TBC1D5: variants seen among roughly 807,000 people sequenced by gnomAD.
TBC1D5 encodes the protein TBC1 domain family member 5.
A neutral mutation model predicts 100.3 loss-of-function variants in TBC1D5; 75 were observed. That is an observed-to-expected ratio of 0.75 (90% CI 0.62 to 0.91). The LOEUF is 0.91. Among genes scored for constraint, TBC1D5 ranks in the 40% least tolerant of loss-of-function variants. TBC1D5 has a pLI of 0.00. For missense variants in TBC1D5, 910 were observed against 942.4 expected, an observed-to-expected ratio of 0.97 and a Z score of 0.45; for synonymous variants, 323 against 325.6, an observed-to-expected ratio of 0.99 and a Z score of 0.09.
At chr3:17,486,263 G>A (rs369164785) in intron 3 of TBC1D5, among the ~76,000 whole-genome samples, 16 of 152,098 alleles carry the variant, frequency 1.1e-4, no homozygotes, top group East Asian at 3.9e-4. Context: ...AGTAGGTTGC[G>A]AAAATTTTCT....
At chr3:17,619,862 G>A (rs1254802239) in intron 2 of TBC1D5, among the ~76,000 whole-genome samples, 1 of 152,132 alleles carries the variant, frequency 6.6e-6, no homozygotes, top group Non-Finnish European at 1.5e-5. Flanking sequence ...AAAACTGGGG[G>A]GAAAGCCCAA....
At chr3:17,267,395 G>A (rs1025679156) in intron 15 of TBC1D5, among the ~76,000 whole-genome samples, 3 of 151,848 alleles carry the variant, frequency 2.0e-5, no homozygotes, top group African/African-American at 7.3e-5. Flanking sequence ...TAATGGTGGG[G>A]GTGGGAGAGA....
At chr3:17,574,130 A>G (rs1186188800) in intron 2 of TBC1D5, among the ~76,000 whole-genome samples, 1 of 152,016 alleles carries the variant, frequency 6.6e-6, no homozygotes, top group Non-Finnish European at 1.5e-5. Context: ...CTGTACTCCC[A>G]GAACTTTGCT....
chr3:17,699,783 T>C (rs2072854485), intron 1 of TBC1D5, among the ~76,000 whole-genome samples: 1 of 151,066 alleles, frequency 6.6e-6, no homozygotes, highest in African/African-American at 2.4e-5. Context: ...CCACAGAGTA[T>C]TGTGGGATTA....
intron 19 of TBC1D5, among the ~76,000 whole-genome samples, chr3:17,174,572 T>G (rs1490106242): frequency 1.3e-5 from 2 of 149,302 alleles, no homozygotes; most frequent in East Asian, 4.3e-4. Context: ...ACCATTCCCC[T>G]AGAACCTGTT....
At chr3:17,603,329 G>A (rs1304877840) in intron 2 of TBC1D5, among the ~76,000 whole-genome samples, 2 of 151,832 alleles carry the variant, frequency 1.3e-5, no homozygotes, top group Non-Finnish European at 1.5e-5. Context: ...AGACCCCACT[G>A]GTAAAATGAG....
intron 3 of TBC1D5, among the ~76,000 whole-genome samples, chr3:17,497,133 CA>C (rs1560023107): frequency 0.016 from 2,195 of 133,730 alleles, 56 homozygotes; most frequent in African/African-American, 0.063. Context: ...CACACACACA[CA>C]CACCATCCTT....
chr3:17,646,616 C>T (rs1348386090), intron 1 of TBC1D5, among the ~76,000 whole-genome samples: 1 of 152,114 alleles, frequency 6.6e-6, no homozygotes, highest in Non-Finnish European at 1.5e-5. Flanking sequence ...CAGGCAATCA[C>T]CATCATGCCC....
intron 13 of TBC1D5, among the ~76,000 whole-genome samples, chr3:17,311,072 C>T (rs1015290756): frequency 4.0e-5 from 6 of 151,876 alleles, no homozygotes; most frequent in Non-Finnish European, 5.9e-5. Context: ...TTTCAGTAAG[C>T]TTTTATATTC....
intron 2 of TBC1D5, among the ~76,000 whole-genome samples, chr3:17,582,735 A>G (rs1272958495): frequency 6.6e-6 from 1 of 151,922 alleles, no homozygotes; most frequent in Non-Finnish European, 1.5e-5. Context: ...TTAAACAAAA[A>G]GAATGGCAAT....
At chr3:17,262,478 G>GTTT (rs746293280) in intron 15 of TBC1D5, among the ~76,000 whole-genome samples, 18 of 114,958 alleles carry the variant, frequency 1.6e-4, no homozygotes, top group South Asian at 2.9e-4. Flanking sequence ...CCAAAACAAT[G>GTTT]TTTTTTTTTT....
intron 1 of TBC1D5, among the ~76,000 whole-genome samples, chr3:17,668,620 A>G (rs958934388): frequency 6.6e-6 from 1 of 152,208 alleles, no homozygotes; most frequent in Non-Finnish European, 1.5e-5. Flanking sequence ...GGCAATATGC[A>G]GGGGTTTCAA....
chr3:17,187,817 C>T (rs972472028), intron 18 of TBC1D5, among the ~76,000 whole-genome samples: 3 of 152,210 alleles, frequency 2.0e-5, no homozygotes, highest in Non-Finnish European at 4.4e-5. Context: ...AACTGGGGTG[C>T]TGACAGCCCA....
chr3:17,505,090 T>C (rs1052474718), intron 3 of TBC1D5, among the ~76,000 whole-genome samples: 10 of 152,104 alleles, frequency 6.6e-5, no homozygotes, highest in Admixed American at 3.3e-4. Flanking sequence ...TGAATGACAA[T>C]AGAAAGCAAG....
rs73153022 is a variant in TBC1D5 at position 17,468,515 on chromosome 3, A to T, written c.97+39959T>A. On this transcript the variant is annotated intron_variant, in intron 3 of 21. Transcript: ENST00000253692. ...TTTTTCCAAAGAAATTACTGCTTTC[A>T]AAGACTCTGTTTATTTTTGTTATTT... Among the ~76,000 whole-genome samples the T allele has an allele frequency of 5.3e-3, 807 of 152,242 alleles. 12 individuals are homozygous for T. Among genetic ancestry groups the T allele is most frequent in the African/African-American group, 0.019 (775 of 41,548 alleles).
At chr3:17,462,150 GT>G (rs2149947613) in intron 3 of TBC1D5, among the ~76,000 whole-genome samples, 1 of 151,800 alleles carries the variant, frequency 6.6e-6, no homozygotes, top group East Asian at 1.9e-4. Flanking sequence ...TCAGAAAAAT[GT>G]TACACTTATT....
chr3:17,172,224 T>G (rs993699325), intron 19 of TBC1D5, among the ~76,000 whole-genome samples: 1 of 152,226 alleles, frequency 6.6e-6, no homozygotes, highest in African/African-American at 2.4e-5. Flanking sequence ...CAGAGGCTGT[T>G]AGATGTTTTG....
intron 3 of TBC1D5, among the ~76,000 whole-genome samples, chr3:17,479,701 G>C (rs1225353475): frequency 6.6e-6 from 1 of 152,166 alleles, no homozygotes; most frequent in Non-Finnish European, 1.5e-5. Flanking sequence ...AGCCAGGTAT[G>C]CTGTTATGTA....
chr3:17,539,968 C>A (rs1177149528), intron 2 of TBC1D5, among the ~76,000 whole-genome samples: 2 of 152,172 alleles, frequency 1.3e-5, no homozygotes, highest in Non-Finnish European at 2.9e-5. Flanking sequence ...CAACAGTGCA[C>A]AAGGGTTCCA....
Sources: allele counts gnomAD v4.1 joint callset (sites outside exome capture counted in the v4.1 genomes callset), GRCh38; gene constraint gnomAD v4.1.1; transcripts MANE v1.5; gene names NCBI Gene and HGNC (gene_info 2026-07-23, HGNC 2026-07-21).